The following PTPRT variants were observed in gnomAD, a reference collection of about 807,000 sequenced individuals.
PTPRT encodes protein tyrosine phosphatase receptor type T.
Under a neutral mutation model 176.8 loss-of-function variants are expected in PTPRT, and 56 were observed. That is an observed-to-expected ratio of 0.32 (90% CI 0.26 to 0.40). PTPRT has a LOEUF of 0.40. Among genes scored for constraint, PTPRT ranks in the 10% least tolerant of loss-of-function variants. PTPRT has a pLI of 1.00. For missense variants in PTPRT, 1,540 were observed against 1,908.2 expected (o/e 0.81, Z 3.60); for synonymous variants, 783 against 739.0 (o/e 1.06, Z -0.96).
chr20:42,946,691 T>C (rs1600582910), intron 1 of PTPRT, among the ~76,000 whole-genome samples: 1 of 152,294 alleles, frequency 6.6e-6, no homozygotes, highest in South Asian at 2.1e-4. Flanking sequence ...ATGTACCATA[T>C]ATACTGGTAT....
At chr20:42,303,005 A>G (rs2057491540) in intron 12 of PTPRT, among the ~76,000 whole-genome samples, 2 of 152,224 alleles carry the variant, frequency 1.3e-5, no homozygotes, top group East Asian at 1.9e-4. Flanking sequence ...TAGGACTTTG[A>G]GGCTGTGTAC....
At chr20:42,123,151 C>A (rs891863505) in intron 19 of PTPRT, among the ~76,000 whole-genome samples, 2 of 152,122 alleles carry the variant, frequency 1.3e-5, no homozygotes, top group Non-Finnish European at 2.9e-5. Context: ...GTTGGAGCAT[C>A]CTCTTAATGC....
At chr20:42,914,756 A>G (rs956377170) in intron 1 of PTPRT, among the ~76,000 whole-genome samples, 1 of 152,160 alleles carries the variant, frequency 6.6e-6, no homozygotes, top group African/African-American at 2.4e-5. Context: ...TTATCAATAC[A>G]TAAGGGATAA....
chr20:43,182,372 G>A, intron 1 of PTPRT, among the ~76,000 whole-genome samples: 1 of 151,950 alleles, frequency 6.6e-6, no homozygotes. Flanking sequence ...AAGAAAGTTA[G>A]AAGTTTGCAA....
chr20:42,186,609 A>G (rs1052421027), intron 16 of PTPRT, among the ~76,000 whole-genome samples: 5 of 152,128 alleles, frequency 3.3e-5, no homozygotes, highest in Admixed American at 3.3e-4. Flanking sequence ...ATGTGAAGTC[A>G]GGATGGGGAC....
intron 27 of PTPRT, among the ~76,000 whole-genome samples, chr20:42,086,753 A>T (rs2866946): frequency 0.89 from 85,205 of 96,212 alleles, 37,275 homozygotes; most frequent in Middle Eastern, 0.96. Flanking sequence ...AAAAAAAAAA[A>T]ATATATATAT....
rs181802052 is a variant in PTPRT at position 42,668,083 on chromosome 20, G to T, written c.1153+9783C>A. ...AGACTTGCTGTGTTGGAAGTGTCTG[G>T]TGGAGAGAAGGTAAAGATTATACTT... On this transcript the variant is annotated intron_variant, in intron 7 of 30. Coordinates refer to ENST00000373187, the MANE Select transcript of PTPRT (RefSeq NM_007050.6). Among the ~76,000 whole-genome samples, 287 of 152,280 alleles carry T rather than the reference G, an allele frequency of 1.9e-3. 1 individual carries two copies. In the Middle Eastern group the frequency reaches 0.031, roughly 16 times the overall value.
intron 2 of PTPRT, among the ~76,000 whole-genome samples, chr20:42,804,921 C>G (rs2077583390): frequency 6.6e-6 from 1 of 152,160 alleles, no homozygotes; most frequent in Admixed American, 6.5e-5. Context: ...CTAATTACAT[C>G]TAGAATGACT....
At chr20:42,102,049 C>T (rs1600511899) in intron 26 of PTPRT, 75 bp downstream of exon 26, 15 of 1,539,374 alleles carry the variant, frequency 9.7e-6, no homozygotes, top group East Asian at 2.3e-5. Context: ...GCCCTGAGGT[C>T]CAGCCACCTC....
intron 1 of PTPRT, among the ~76,000 whole-genome samples, chr20:43,150,243 G>T (rs926357932): frequency 1.3e-5 from 2 of 152,138 alleles, no homozygotes; most frequent in African/African-American, 4.8e-5. Context: ...CCTCTCCAGT[G>T]TTCATTATTT....
rs74909138 is a variant in PTPRT, at chr20:42,459,323, C to A, written c.1451-10994G>T. On this transcript the variant is annotated intron_variant, in intron 8 of 30. Coordinates refer to ENST00000373187, the MANE Select transcript of PTPRT (RefSeq NM_007050.6). The stretch of plus-strand genomic sequence containing the variant: ...TGGTCACCTGGAGCATGTGAGCTAC[C>A]GTGAAACTTCGGGTTTTTAATGTGA... Among the ~76,000 whole-genome samples, 1,319 of 152,196 alleles carry A rather than the reference C, an allele frequency of 8.7e-3. 11 individuals carry two copies. The highest frequency in any genetic ancestry group is 0.014 in the Middle Eastern group (4 of 294).
At chr20:42,199,961 C>T (rs535659413) in intron 15 of PTPRT, among the ~76,000 whole-genome samples, 29 of 151,978 alleles carry the variant, frequency 1.9e-4, no homozygotes, top group Admixed American at 1.0e-3. Context: ...CAGAACCAGA[C>T]GGATATTATC....
chr20:42,716,065 G>C (rs944511798), intron 6 of PTPRT, among the ~76,000 whole-genome samples: 2 of 152,128 alleles, frequency 1.3e-5, no homozygotes, highest in Non-Finnish European at 2.9e-5. Context: ...TCTGTTGTAA[G>C]AATCTTCCAC....
intron 15 of PTPRT, among the ~76,000 whole-genome samples, chr20:42,209,827 T>G (rs939743019): frequency 1.2e-4 from 18 of 152,140 alleles, no homozygotes; most frequent in African/African-American, 3.6e-4. Context: ...TACCAAAGCC[T>G]GGCAGAGACA....
intron 3 of PTPRT, among the ~76,000 whole-genome samples, chr20:42,787,465 C>T (rs2077308258): frequency 6.6e-6 from 1 of 152,178 alleles, no homozygotes; most frequent in Non-Finnish European, 1.5e-5. Flanking sequence ...CTCAGAACTC[C>T]CACGTGGGTA....
chr20:42,138,708 T>C (rs1988489204), intron 18 of PTPRT, among the ~76,000 whole-genome samples: 1 of 152,252 alleles, frequency 6.6e-6, no homozygotes, highest in Non-Finnish European at 1.5e-5. Context: ...CTCTTTGTTC[T>C]TATTTTACCC....
chr20:42,845,176 T>G (rs2078347675), intron 2 of PTPRT, among the ~76,000 whole-genome samples: 1 of 152,172 alleles, frequency 6.6e-6, no homozygotes. Flanking sequence ...CTCGGAGCAG[T>G]CAGACCAGTG....
At chr20:42,105,031 G>A (rs778441619) in intron 24 of PTPRT, among the ~76,000 whole-genome samples, 5 of 152,180 alleles carry the variant, frequency 3.3e-5, no homozygotes, top group Admixed American at 6.5e-5. Flanking sequence ...ACCTTTACCT[G>A]AGGAAGGCTG....
At chr20:42,609,389 T>C (rs1275038266) in intron 7 of PTPRT, among the ~76,000 whole-genome samples, 2 of 152,104 alleles carry the variant, frequency 1.3e-5, no homozygotes, top group African/African-American at 4.8e-5. Context: ...CACTTTGAAT[T>C]AAACCATTTT....
Sources: allele counts gnomAD v4.1 joint callset (sites outside exome capture counted in the v4.1 genomes callset), GRCh38; gene constraint gnomAD v4.1.1; transcripts MANE v1.5; gene names NCBI Gene and HGNC (gene_info 2026-07-23, HGNC 2026-07-21).